CHD9: variants seen among roughly 807,000 people sequenced by gnomAD.
CHD9 encodes chromodomain helicase DNA binding protein 9.
In CHD9, 77 loss-of-function variants were observed where a neutral mutation model predicts 316.1. The ratio of observed to expected loss-of-function variants is 0.24; its 90% CI spans 0.20 to 0.29. The LOEUF is 0.29. Ranked by LOEUF, CHD9 falls within the 10% of genes least tolerant of loss-of-function variation. The probability of loss-of-function intolerance (pLI) is 1.00; values close to 1 mark genes in which losing one functional copy is unlikely to be tolerated. For missense variants in CHD9, 2,763 were observed against 3,438.1 expected (o/e 0.80, Z 4.91); for synonymous variants, 1,129 against 1,158.3 (o/e 0.97, Z 0.51).
At chr16:53,087,805 A>G (rs1596935185) in intron 1 of CHD9, among the ~76,000 whole-genome samples, 2 of 152,180 alleles carry the variant, frequency 1.3e-5, no homozygotes, top group South Asian at 2.1e-4. Flanking sequence ...AAAATTAACC[A>G]GGCATGGTCG....
chr16:53,275,753 C>G (rs1481381888), intron 24 of CHD9, among the ~76,000 whole-genome samples: 1 of 152,148 alleles, frequency 6.6e-6, no homozygotes, highest in East Asian at 1.9e-4. Flanking sequence ...GCCACCAAAT[C>G]TAAAATTTAA....
At chr16:53,213,229 G>C (rs1017827742) in intron 3 of CHD9, among the ~76,000 whole-genome samples, 3 of 152,176 alleles carry the variant, frequency 2.0e-5, no homozygotes, top group Admixed American at 6.5e-5. Flanking sequence ...AATGTGTCTG[G>C]AGTTTGAAGG....
chr16:53,305,817 G>A (rs2055914623), intron 31 of CHD9, among the ~76,000 whole-genome samples: 1 of 152,134 alleles, frequency 6.6e-6, no homozygotes, highest in Non-Finnish European at 1.5e-5. Flanking sequence ...CAAGAAACAT[G>A]CCCAATTCTA....
intron 1 of CHD9, among the ~76,000 whole-genome samples, chr16:53,094,423 C>T (rs996060537): frequency 1.3e-5 from 2 of 152,040 alleles, no homozygotes; most frequent in Admixed American, 6.5e-5. Flanking sequence ...ATGGCTGGGC[C>T]GGGGTGTTTC....
intron 1 of CHD9, among the ~76,000 whole-genome samples, chr16:53,117,889 G>A (rs1403721650): frequency 6.6e-6 from 1 of 150,400 alleles, no homozygotes; most frequent in East Asian, 2.0e-4. Context: ...GCAGTGGTGC[G>A]ATCTTGGCTC....
At chr16:53,100,811 G>C (rs543892832) in intron 1 of CHD9, among the ~76,000 whole-genome samples, 1 of 152,134 alleles carries the variant, frequency 6.6e-6, no homozygotes, top group East Asian at 1.9e-4. Flanking sequence ...CTATGACATT[G>C]GCAAGTCACT....
intron 1 of CHD9, among the ~76,000 whole-genome samples, chr16:53,076,457 T>C (rs1009346829): frequency 6.6e-6 from 1 of 151,714 alleles, no homozygotes; most frequent in Admixed American, 6.6e-5. Flanking sequence ...CGCCTATAAT[T>C]CCAGCTACTC....
At chr16:53,322,855 T>C (rs540262826) in intron 38 of CHD9, among the ~76,000 whole-genome samples, 14 of 152,186 alleles carry the variant, frequency 9.2e-5, no homozygotes, top group African/African-American at 3.4e-4. Context: ...AGGAAAAAAA[T>C]AGAACACATA....
chr16:53,220,912 T>G (rs1397126471), intron 3 of CHD9, among the ~76,000 whole-genome samples: 1 of 152,240 alleles, frequency 6.6e-6, no homozygotes, highest in Admixed American at 6.5e-5. Context: ...GTTAAACTTC[T>G]TTTCATCATA....
rs2057531066 is a variant in CHD9 at position 53,326,088 on chromosome 16, A to G, written c.*1193A>G. The G allele has an allele frequency of 6.6e-6, 1 of 152,540 alleles. No individual in the cohort carries two copies. The highest frequency in any genetic ancestry group is 1.5e-5 in the Non-Finnish European group (1 of 67,940). The allele number at this position is 152,540 out of a possible 1,614,324, so 9.4% of individuals were successfully genotyped here. On this transcript the variant is annotated 3_prime_UTR_variant, in exon 39 of 39. Transcript: ENST00000447540. Reference sequence around the variant, plus strand: ...ACAAGTTATACCTGTAAACCACAAAAGTGAAGCCTGAGGCTTCTGTTCAAT... The same window carrying G: ...ACAAGTTATACCTGTAAACCACAAAGGTGAAGCCTGAGGCTTCTGTTCAAT...
At chr16:53,222,608 G>T (rs2047340766) in intron 3 of CHD9, 36 bp from the exon 4 acceptor site, 3 of 989,086 alleles carry the variant, frequency 3.0e-6, no homozygotes, top group African/African-American at 1.6e-5. Context: ...AAAATTCAAA[G>T]AATTCATACT....
At chr16:53,055,216 G>C (rs542380766) in intron 1 of CHD9, 139 bp downstream of exon 1, 1 of 152,922 alleles carries the variant, frequency 6.5e-6, no homozygotes, top group Non-Finnish European at 1.5e-5. Flanking sequence ...AGCCGTGGGG[G>C]GGACCCAGAG....
At chr16:53,105,246 C>A (rs1257340515) in intron 1 of CHD9, among the ~76,000 whole-genome samples, 2 of 152,046 alleles carry the variant, frequency 1.3e-5, no homozygotes, top group African/African-American at 2.4e-5. Flanking sequence ...CCTGTCCCCC[C>A]AGTATCCAGT....
In CHD9 at chr16:53,156,791, G is replaced by T; in HGVS notation, c.702G>T (p.Thr234=). 4.3e-6 allele frequency: 7 copies of T among 1,613,744 alleles called. No individual in the cohort carries two copies. The highest frequency in any genetic ancestry group is 5.9e-6 in the Non-Finnish European group (7 of 1,179,878). The change falls in exon 2 of 39, where the codon ACG becomes ACT. Residue 234 remains threonine (T), a synonymous_variant. Coordinates refer to ENST00000447540, the MANE Select transcript of CHD9 (RefSeq NM_001308319.2). ...TTTCAATGCAGCAATTTTCTCAAAC[G>T]TCAAATCCTTCAGCACACTTCCACA... The part of the protein sequence containing the change: ...QSISMQQFSQ[T]SNPSAHFHKC...
intron 1 of CHD9, among the ~76,000 whole-genome samples, chr16:53,095,692 C>G (rs554873337): frequency 6.6e-6 from 1 of 152,326 alleles, no homozygotes; most frequent in African/African-American, 2.4e-5. Context: ...TGTCCCTGCT[C>G]TATTGCAGTT....
At chr16:53,130,175 C>T (rs2039157809) in intron 1 of CHD9, among the ~76,000 whole-genome samples, 1 of 152,188 alleles carries the variant, frequency 6.6e-6, no homozygotes, top group Non-Finnish European at 1.5e-5. Context: ...GCTGGGTCTC[C>T]GCGGCGGGCG....
At chr16:53,200,033 C>T (rs903758729) in intron 2 of CHD9, among the ~76,000 whole-genome samples, 6 of 151,508 alleles carry the variant, frequency 4.0e-5, no homozygotes, top group East Asian at 1.9e-4. Context: ...GTCAGGAGTT[C>T]GAGACCAGCC....
chr16:53,231,346 C>A (rs563560598), intron 8 of CHD9, 73 bp from the exon 9 acceptor site: 2 of 773,120 alleles, frequency 2.6e-6, no homozygotes, highest in Non-Finnish European at 4.4e-6. Flanking sequence ...TAGTGAAATG[C>A]TAGTAAATTC....
At chr16:53,160,332 T>G (rs760765108) in intron 2 of CHD9, among the ~76,000 whole-genome samples, 112 of 152,334 alleles carry the variant, frequency 7.4e-4, no homozygotes, top group South Asian at 4.1e-3. Flanking sequence ...CTTTAAAAAG[T>G]AGTAAGGACT....
Sources: allele counts gnomAD v4.1 joint callset (sites outside exome capture counted in the v4.1 genomes callset), GRCh38; gene constraint gnomAD v4.1.1; transcripts MANE v1.5; gene names NCBI Gene and HGNC (gene_info 2026-07-23, HGNC 2026-07-21).